DOCK10: variants seen among roughly 807,000 people sequenced by gnomAD.
DOCK10 encodes the protein dedicator of cytokinesis 10, also known as dedicator of cytokinesis protein 10.
In DOCK10, 145 loss-of-function variants were observed where a neutral mutation model predicts 280.1. The ratio of observed to expected loss-of-function variants is 0.52; its 90% CI spans 0.45 to 0.59. The LOEUF is 0.59. Ranked by LOEUF, DOCK10 falls within the 20% of genes least tolerant of loss-of-function variation. DOCK10 has a pLI of 0.00. For synonymous variants in DOCK10, 915 were observed against 942.2 expected (o/e 0.97, Z 0.53); for missense variants, 2,368 against 2,651.7 (o/e 0.89, Z 2.35).
intron 1 of DOCK10, among the ~76,000 whole-genome samples, chr2:225,039,338 A>G (rs379579): frequency 6.6e-6 from 1 of 152,126 alleles, no homozygotes; most frequent in South Asian, 2.1e-4. Context: ...AGAACTTGAC[A>G]TGATCCTTTG....
intron 17 of DOCK10, 43 bp downstream of exon 17, chr2:224,852,892 A>T: frequency 1.4e-6 from 2 of 1,480,098 alleles, no homozygotes; most frequent in South Asian, 1.4e-5. Context: ...TGGTCTAAAT[A>T]CGGTGAAAAG....
chr2:225,041,908 CTCGTA>C (rs1399942460), intron 1 of DOCK10, among the ~76,000 whole-genome samples: 2 of 152,292 alleles, frequency 1.3e-5, no homozygotes, highest in Non-Finnish European at 2.9e-5. Flanking sequence ...GTCTCTGGCA[CTCGTA>C]TCACTTAGCA....
chr2:224,778,353 G>T, intron 50 of DOCK10, 69 bp from the exon 51 acceptor site: 1 of 1,453,138 alleles, frequency 6.9e-7, no homozygotes, highest in Non-Finnish European at 9.4e-7. Context: ...AAAACAAAAA[G>T]CCATTTACTT....
In DOCK10 at chr2:224,877,817, C is replaced by T. The variant is rs532386806; in HGVS notation, c.748-1596G>A. 3.9e-4 allele frequency among the ~76,000 whole-genome samples: 59 copies of T among 152,284 alleles called. 2 individuals are homozygous for T. The South Asian group carries it at 9.7e-3, about 25-fold the overall frequency. Reference sequence around the variant, plus strand: ...AACATACATTCAAAGTGGAAACTTTCCCCTAGTGACACAAACTAGTGTTAT... The same window carrying T: ...AACATACATTCAAAGTGGAAACTTTTCCCTAGTGACACAAACTAGTGTTAT... On this transcript the variant is annotated intron_variant, in intron 7 of 55. Coordinates refer to ENST00000258390, the MANE Select transcript of DOCK10 (RefSeq NM_014689.3).
chr2:225,015,168 G>GT lies in DOCK10; in HGVS notation c.123+27083dup, dbSNP rs536509747. ...GTTACAAAGTTTGTAATAGCAGTCTGTTTTTTTTTAACTTACTAATATAGC... is the reference window on the plus strand; with the variant it reads ...GTTACAAAGTTTGTAATAGCAGTCTGTTTTTTTTTTAACTTACTAATATAGC... On this transcript the variant is annotated intron_variant, in intron 1 of 55. Coordinates refer to ENST00000258390, the MANE Select transcript of DOCK10 (RefSeq NM_014689.3). 4.6e-3 allele frequency among the ~76,000 whole-genome samples: 691 copies of GT among 151,128 alleles called. 6 individuals are homozygous for GT. The highest frequency in any genetic ancestry group is 0.015 in the African/African-American group (615 of 41,224).
chr2:224,853,438 G>C (rs1024226081), intron 16 of DOCK10, among the ~76,000 whole-genome samples: 3 of 152,272 alleles, frequency 2.0e-5, no homozygotes, highest in African/African-American at 7.2e-5. Context: ...ATAGTAGCCA[G>C]ATATTATAAG....
intron 1 of DOCK10, among the ~76,000 whole-genome samples, chr2:224,941,197 CTT>C (rs545063311): frequency 1.8e-4 from 25 of 140,698 alleles, no homozygotes; most frequent in Admixed American, 2.1e-4. Context: ...CATTACTGCT[CTT>C]TTTTTTTTTT....
intron 1 of DOCK10, among the ~76,000 whole-genome samples, chr2:225,041,467 A>T (rs375769123): frequency 6.6e-6 from 1 of 152,104 alleles, no homozygotes; most frequent in East Asian, 1.9e-4. Flanking sequence ...TATGGATAGG[A>T]TCCTAGCATC....
In DOCK10 at chr2:224,805,687, C is replaced by T. The variant is rs1055149114; in HGVS notation, c.3815-158G>A. On this transcript the variant is annotated intron_variant, in intron 34 of 55. Coordinates refer to ENST00000258390, the MANE Select transcript of DOCK10 (RefSeq NM_014689.3). This position sits in a 1 kb window ranked among gnomAD's most constrained non-coding sequence, Gnocchi z 4.3. ...CGTCTGGGATTGGCATTAAAGCCAG[C>T]TCTTGTTTTAAAAATGCTTTAGTAA... Among the ~76,000 whole-genome samples, 1 of 152,096 alleles carries T rather than the reference C, an allele frequency of 6.6e-6. No homozygotes were observed. The highest frequency in any genetic ancestry group is 1.5e-5 in the Non-Finnish European group (1 of 68,008).
At chr2:224,965,208 G>A (rs1704668883) in intron 1 of DOCK10, among the ~76,000 whole-genome samples, 1 of 152,154 alleles carries the variant, frequency 6.6e-6, no homozygotes, top group South Asian at 2.1e-4. Context: ...CTTATTCGAT[G>A]GGAAATGCTT....
At chr2:224,877,863 A>G (rs971790720) in intron 7 of DOCK10, among the ~76,000 whole-genome samples, 2 of 152,234 alleles carry the variant, frequency 1.3e-5, no homozygotes, top group Non-Finnish European at 2.9e-5. Context: ...GGTTGTTGGA[A>G]AGATTACTGA....
In DOCK10 at chr2:224,787,155, A is replaced by G. The variant is rs768074927; in HGVS notation, c.5542-20T>C. 6.2e-7 allele frequency: 1 copy of G among 1,607,822 alleles called. No individual in the cohort carries two copies. Among genetic ancestry groups the G allele is most frequent in the South Asian group, 1.1e-5 (1 of 90,980 alleles). On this transcript the variant is annotated intron_variant, in intron 49 of 55. Coordinates refer to ENST00000258390, the MANE Select transcript of DOCK10 (RefSeq NM_014689.3). ...CAATTTCTGAAACCATAAGTGAAAG[A>G]GTTTCATGAAGATGATGCTGTCATA... is the stretch of plus-strand genomic sequence containing the variant.
At chr2:224,908,932 G>A (rs1171997973) in intron 3 of DOCK10, among the ~76,000 whole-genome samples, 1 of 152,202 alleles carries the variant, frequency 6.6e-6, no homozygotes. Context: ...TCAGAAATCA[G>A]AGAGGGCTTT....
chr2:224,907,128 T>C (rs559442666), intron 3 of DOCK10, among the ~76,000 whole-genome samples: 5 of 152,278 alleles, frequency 3.3e-5, no homozygotes, highest in South Asian at 2.1e-4. Flanking sequence ...GGATTCACAG[T>C]TGCCCCTAGG....
At chr2:224,947,011 T>C in intron 1 of DOCK10, 9 of 1,494,770 alleles carry the variant, frequency 6.0e-6, no homozygotes, top group Non-Finnish European at 8.0e-6. Context: ...TAAACTCTTC[T>C]CTTCTGAAGC....
chr2:224,968,043 T>C (rs1704877344), intron 1 of DOCK10, among the ~76,000 whole-genome samples: 1 of 152,238 alleles, frequency 6.6e-6, no homozygotes, highest in South Asian at 2.1e-4. Flanking sequence ...ACGAGCTGAA[T>C]TTTGAACTGA....
chr2:224,957,013 A>T (rs1392141304), intron 1 of DOCK10, among the ~76,000 whole-genome samples: 1 of 152,102 alleles, frequency 6.6e-6, no homozygotes, highest in Non-Finnish European at 1.5e-5. Context: ...GTATTGTCTA[A>T]ATCAGGGTTT....
Position 224,874,070 on chromosome 2 carries a change from T to A in DOCK10, c.1183A>T (p.Met395Leu). Reference sequence around the variant, plus strand: ...GAGTTGAGGGCTTTACAGATGATCATGATTCTCTTGGCAGCTTTTTCTTCA... The same window carrying A: ...GAGTTGAGGGCTTTACAGATGATCAAGATTCTCTTGGCAGCTTTTTCTTCA... ...PFEEKAAKRI[M>L]IICKALNSNL... Residue 395 changes from methionine to leucine, a missense_variant, in exon 11 of 56, where the codon ATG becomes TTG. Physicochemically the swap from Met to Leu is conservative, Grantham distance 15 (BLOSUM62 2). Transcript: ENST00000258390. 1 of 1,613,500 alleles carries A rather than the reference T, an allele frequency of 6.2e-7. No individual in the cohort carries two copies. The highest frequency in any genetic ancestry group is 8.5e-7 in the Non-Finnish European group (1 of 1,179,702).
At chr2:224,875,939 G>T in intron 8 of DOCK10, 99 bp downstream of exon 8, 2 of 1,244,888 alleles carry the variant, frequency 1.6e-6, no homozygotes, top group South Asian at 1.5e-5. Context: ...GGATGGATGA[G>T]CTAGACCAGA....
Sources: gnomAD v4.1 joint callset for allele counts (sites outside exome capture counted in the v4.1 genomes callset) on GRCh38, gnomAD v4.1.1 for gene constraint, Gnocchi (gnomAD v3.1) non-coding constraint, MANE v1.5 for transcripts, NCBI Gene and HGNC (gene_info 2026-07-23, HGNC 2026-07-21) for gene names.